Variants in GPM6A observed in about 807,000 individuals in gnomAD.
GPM6A encodes the protein glycoprotein M6A.
A neutral mutation model predicts 32.1 loss-of-function variants in GPM6A; 7 were observed. The ratio of observed to expected loss-of-function variants is 0.22; its 90% CI spans 0.12 to 0.41. GPM6A has a LOEUF of 0.41. Ranked by LOEUF, GPM6A falls within the 10% of genes least tolerant of loss-of-function variation. The pLI is 1.00. For synonymous variants in GPM6A, 130 were observed against 123.4 expected (o/e 1.05, Z -0.35); for missense variants, 235 against 347.2 (o/e 0.68, Z 2.57).
At chr4:175,775,665 T>C (rs17658993) in intron 1 of GPM6A, among the ~76,000 whole-genome samples, 3,073 of 152,278 alleles carry the variant, frequency 0.02, 57 homozygotes, top group Non-Finnish European at 0.031. Context: ...GGACTACCTA[T>C]TAATTGTCAA....
intron 1 of GPM6A, among the ~76,000 whole-genome samples, chr4:175,981,654 A>G (rs1016325625): frequency 6.6e-6 from 1 of 152,174 alleles, no homozygotes; most frequent in Non-Finnish European, 1.5e-5. Flanking sequence ...ATTATTCCCA[A>G]TTTTTAATGA....
chr4:175,763,185 T>C (rs1006880115), intron 1 of GPM6A, among the ~76,000 whole-genome samples: 12 of 152,224 alleles, frequency 7.9e-5, no homozygotes, highest in African/African-American at 2.7e-4. Flanking sequence ...TTCAGATTTT[T>C]ATATTTTTAG....
chr4:175,852,332 A>G (rs1736284157), intron 1 of GPM6A, among the ~76,000 whole-genome samples: 1 of 152,186 alleles, frequency 6.6e-6, no homozygotes, highest in African/African-American at 2.4e-5. Context: ...AGTAATGAGA[A>G]AATGAACTGA....
At chr4:175,676,127 A>G (rs2110991845) in intron 2 of GPM6A, among the ~76,000 whole-genome samples, 1 of 152,240 alleles carries the variant, frequency 6.6e-6, no homozygotes, top group African/African-American at 2.4e-5. Context: ...CGCTATGTGA[A>G]AAACGTGTTT....
At chr4:175,811,604 T>C (rs1184369702) in intron 1 of GPM6A, among the ~76,000 whole-genome samples, 3 of 152,192 alleles carry the variant, frequency 2.0e-5, no homozygotes, top group Admixed American at 6.5e-5. Flanking sequence ...TACAGTCAAC[T>C]ATATAGAAAG....
intron 1 of GPM6A, among the ~76,000 whole-genome samples, chr4:175,878,385 C>T (rs1264894035): frequency 1.3e-5 from 2 of 152,216 alleles, no homozygotes; most frequent in African/African-American, 4.8e-5. Context: ...CTGTAGCAGA[C>T]ATCTGCTTAG....
intron 1 of GPM6A, among the ~76,000 whole-genome samples, chr4:175,864,536 C>G (rs1736672227): frequency 6.6e-6 from 1 of 152,280 alleles, no homozygotes; most frequent in South Asian, 2.1e-4. Flanking sequence ...GGTTCTTCTA[C>G]TATCCTGGAT....
At chr4:175,837,100 T>G (rs771077422) in intron 1 of GPM6A, among the ~76,000 whole-genome samples, 14 of 151,822 alleles carry the variant, frequency 9.2e-5, no homozygotes, top group Non-Finnish European at 2.1e-4. Context: ...AGAAGAACCA[T>G]GTGACAAATA....
chr4:175,885,892 A>G (rs1004027795), intron 1 of GPM6A, among the ~76,000 whole-genome samples: 2 of 152,202 alleles, frequency 1.3e-5, no homozygotes, highest in Admixed American at 6.5e-5. Context: ...CAGTCTTAAT[A>G]AATCTATGAA....
At chr4:175,882,127 A>G (rs940936891) in intron 1 of GPM6A, among the ~76,000 whole-genome samples, 2 of 152,026 alleles carry the variant, frequency 1.3e-5, no homozygotes, top group African/African-American at 2.4e-5. Flanking sequence ...CAATTAATCA[A>G]TTTTAGCTAT....
rs776925519 is a variant in GPM6A, at chr4:175,701,810, CTAATT to C, written c.38-48_38-44del. The C allele has an allele frequency of 5.5e-6, 8 of 1,447,112 alleles. No individual in the cohort carries two copies. In the South Asian group the frequency reaches 7.3e-5, roughly 13 times the overall value. 89.6% of individuals were successfully genotyped at this position (1,447,112 alleles called of 1,614,324 possible). ...GGGAGAAATTCATATTTTTGTTAAC[CTAATT>C]TAATTTTTTTTTTCAAACTTCAGCA... On this transcript the variant is annotated intron_variant, in intron 1 of 6. Transcript: ENST00000393658.
At position 175,888,187 on chromosome 4, in the gene GPM6A, A is replaced by G. The variant is rs372150099; in HGVS notation, c.-22-75938T>C. On this transcript the variant is annotated intron_variant, in intron 1 of 7. Transcript: ENST00000280187. ...AAATTAGAAAATCTTATTTTAATAC[A>G]TCATACAGATTTAAGACAAAAATTT... Among the ~76,000 whole-genome samples, 379 of 152,146 alleles carry G rather than the reference A, an allele frequency of 2.5e-3. 18 individuals are homozygous for G. The South Asian group carries it at 0.073, about 29-fold the overall frequency.
intron 1 of GPM6A, among the ~76,000 whole-genome samples, chr4:175,721,246 T>C (rs1160309508): frequency 6.7e-6 from 1 of 150,098 alleles, no homozygotes; most frequent in African/African-American, 2.4e-5. Flanking sequence ...GAGGCCAAAG[T>C]GGGCGGATCA....
At chr4:175,973,104 A>G (rs1379488318) in intron 1 of GPM6A, among the ~76,000 whole-genome samples, 3 of 152,226 alleles carry the variant, frequency 2.0e-5, no homozygotes, top group Non-Finnish European at 4.4e-5. Flanking sequence ...AAGTTTAAAG[A>G]AATAGACATG....
chr4:175,645,906 G>C (rs1202656290), intron 4 of GPM6A, among the ~76,000 whole-genome samples: 1 of 152,080 alleles, frequency 6.6e-6, no homozygotes, highest in African/African-American at 2.4e-5. Context: ...TAAAATACCA[G>C]CATGTCCTTT....
chr4:175,724,104 CA>C (rs1413626788), intron 1 of GPM6A, among the ~76,000 whole-genome samples: 3 of 152,066 alleles, frequency 2.0e-5, no homozygotes, highest in African/African-American at 7.2e-5. Context: ...TGTACATACA[CA>C]ATGGAATAGC....
chr4:175,867,497 GA>G lies in GPM6A; in HGVS notation c.-22-55249del, dbSNP rs199684212. 2.0e-3 allele frequency among the ~76,000 whole-genome samples: 302 copies of G among 149,422 alleles called. 1 individual carries two copies. The highest frequency in any genetic ancestry group is 6.9e-3 in the African/African-American group (283 of 40,806). On this transcript the variant is annotated intron_variant, in intron 1 of 7. Coordinates refer to the GPM6A transcript ENST00000280187. ...GTACAGTTGTTCCAGCACATTTGTTGAAAAAAAAAATCTTTGCTCCATTATA... is the reference window on the plus strand; with the variant it reads ...GTACAGTTGTTCCAGCACATTTGTTGAAAAAAAAATCTTTGCTCCATTATA...
rs190487704 is a variant in GPM6A, at chr4:175,864,145, G to A, written c.-22-51896C>T. 4.2e-3 allele frequency among the ~76,000 whole-genome samples: 640 copies of A among 152,250 alleles called. 1 individual carries two copies. Among genetic ancestry groups the A allele is most frequent in the Non-Finnish European group, 7.8e-3 (528 of 68,018 alleles). On this transcript the variant is annotated intron_variant, in intron 1 of 7. Transcript: ENST00000280187. The stretch of plus-strand genomic sequence containing the variant: ...TGCATTTCCCTAATAAAATAAAGTT[G>A]AGCAAGTTTTCATGTGCCATTTGTT...
At position 175,889,748 on chromosome 4, in the gene GPM6A, G is replaced by A. The variant is rs369962098; in HGVS notation, c.-22-77499C>T. On this transcript the variant is annotated intron_variant, in intron 1 of 7. Transcript: ENST00000280187. The stretch of plus-strand genomic sequence containing the variant: ...GAATGGCGTGAACCCGGGAGGCGGA[G>A]CTTGCAGTGAGCCGAGATCGCGCCA... Among the ~76,000 whole-genome samples the A allele has an allele frequency of 9.2e-5, 14 of 151,828 alleles. No homozygotes were observed. The East Asian group carries it at 2.3e-3, about 25-fold the overall frequency.
Sources: allele counts gnomAD v4.1 joint callset (sites outside exome capture counted in the v4.1 genomes callset), GRCh38; gene constraint gnomAD v4.1.1; transcripts MANE v1.5; gene names NCBI Gene and HGNC (gene_info 2026-07-23, HGNC 2026-07-21).